Variants in MYL10 observed in about 807,000 individuals in gnomAD.
MYL10 encodes the protein myosin light chain 10.
A neutral mutation model predicts 21.9 loss-of-function variants in MYL10; 18 were observed. The observed-to-expected ratio is 0.82, with a 90% CI of 0.57 to 1.22. The LOEUF (loss-of-function observed/expected upper bound fraction) is 1.22. Ranked by LOEUF, MYL10 falls within the 50% of genes most tolerant of loss-of-function variation. The probability of loss-of-function intolerance (pLI) is 0.00; values close to 1 mark genes in which losing one functional copy is unlikely to be tolerated. For synonymous variants in MYL10, 88 were observed against 82.8 expected (o/e 1.06, Z -0.34); for missense variants, 225 against 230.4 (o/e 0.98, Z 0.15).
intron 6 of MYL10, among the ~76,000 whole-genome samples, chr7:101,614,712 C>T (rs910193107): frequency 6.6e-6 from 1 of 152,140 alleles, no homozygotes; most frequent in Non-Finnish European, 1.5e-5. Context: ...TCAGCATCCC[C>T]TCCCCATCCC....
intron 1 of MYL10, among the ~76,000 whole-genome samples, chr7:101,624,812 T>C (rs971691499): frequency 2.0e-5 from 3 of 152,174 alleles, no homozygotes; most frequent in African/African-American, 7.2e-5. Flanking sequence ...GTTGCTCTGT[T>C]GGAATTCCCT....
At chr7:101,626,868 G>T (rs1404016012) in intron 1 of MYL10, among the ~76,000 whole-genome samples, 2 of 152,224 alleles carry the variant, frequency 1.3e-5, no homozygotes, top group African/African-American at 4.8e-5. Flanking sequence ...GGGATCAAGA[G>T]CAAAGAGCAG....
intron 1 of MYL10, among the ~76,000 whole-genome samples, chr7:101,627,289 A>G (rs1796757177): frequency 7.1e-6 from 1 of 141,312 alleles, no homozygotes; most frequent in African/African-American, 2.7e-5. Flanking sequence ...ACAGAGTGAG[A>G]TTCTGTCTAA....
intron 6 of MYL10, among the ~76,000 whole-genome samples, chr7:101,615,021 C>T (rs1264851260): frequency 1.3e-5 from 2 of 152,134 alleles, no homozygotes; most frequent in Non-Finnish European, 2.9e-5. Context: ...GGCTGCCACT[C>T]CCCCGCCCAC....
At chr7:101,621,985 C>T (rs1257345954) in intron 5 of MYL10, 111 bp downstream of exon 5, 1 of 796,188 alleles carries the variant, frequency 1.3e-6, no homozygotes. Context: ...GTGTCTGGGG[C>T]CACATCATGC....
intron 5 of MYL10, among the ~76,000 whole-genome samples, chr7:101,618,689 C>T (rs1250181042): frequency 1.3e-5 from 2 of 152,310 alleles, no homozygotes; most frequent in Non-Finnish European, 2.9e-5. Flanking sequence ...GAGGCGGCGC[C>T]GGCCCCAGCA....
chr7:101,615,504 C>T (rs375425439), intron 6 of MYL10, among the ~76,000 whole-genome samples: 28 of 150,158 alleles, frequency 1.9e-4, no homozygotes, highest in South Asian at 4.4e-4. Flanking sequence ...CACCTCCACC[C>T]GCACCCTCCA....
At position 101,622,299 on chromosome 7, in the gene MYL10, C is replaced by T. The variant is rs1413233478; in HGVS notation, c.350-99G>A. The T allele has an allele frequency of 1.5e-5, 13 of 881,232 alleles. No individual in the cohort carries two copies. In the East Asian group the frequency reaches 2.2e-4, roughly 15 times the overall value. The allele number at this position is 881,232 out of a possible 1,614,324, so 54.6% of individuals were successfully genotyped here. On this transcript the variant is annotated intron_variant, in intron 4 of 7. Coordinates refer to ENST00000223167, the MANE Select transcript of MYL10 (RefSeq NM_138403.5). ...CCTCCCCACTCAGCTGCTCCACGTG[C>T]CCCCCACTCAGCCCTAAGGCCCTGA...
rs116976924 is a variant in MYL10, at chr7:101,615,122, C to T, written c.533+1098G>A. 2.2e-3 allele frequency among the ~76,000 whole-genome samples: 337 copies of T among 152,244 alleles called. 1 individual carries two copies. Among genetic ancestry groups the T allele is most frequent in the Non-Finnish European group, 3.9e-3 (262 of 68,014 alleles). On this transcript the variant is annotated intron_variant, in intron 6 of 7. Coordinates refer to ENST00000223167, the MANE Select transcript of MYL10 (RefSeq NM_138403.5). ...GATGGCAGCCCCGGTGCCTGCCAGA[C>T]AGCTGCCTGCAGCCACTTCCCCTTC...
At chr7:101,618,650 C>T (rs4727502) in intron 5 of MYL10, among the ~76,000 whole-genome samples, 53,756 of 152,046 alleles carry the variant, frequency 0.35, 10,057 homozygotes, top group East Asian at 0.66. Context: ...AATCTCATGA[C>T]ACAGTCTCCT....
At chr7:101,622,861 C>A in intron 4 of MYL10, 136 bp downstream of exon 4, 1 of 708,776 alleles carries the variant, frequency 1.4e-6, no homozygotes, top group Non-Finnish European at 2.3e-6. Flanking sequence ...ACTTTCCAGA[C>A]AGTGGCTGCC....
intron 5 of MYL10, among the ~76,000 whole-genome samples, chr7:101,617,333 C>G (rs560646384): frequency 2.0e-5 from 3 of 152,328 alleles, no homozygotes; most frequent in African/African-American, 7.2e-5. Context: ...TCTATGCCTG[C>G]AGCTTTAAGA....
chr7:101,625,359 TG>T (rs1294607039), intron 1 of MYL10, among the ~76,000 whole-genome samples: 1 of 152,294 alleles, frequency 6.6e-6, no homozygotes, highest in East Asian at 1.9e-4. Context: ...GGGCTCTCGA[TG>T]GGGGAAAAGA....
chr7:101,615,569 C>G (rs1031627231), intron 6 of MYL10, among the ~76,000 whole-genome samples: 2 of 141,530 alleles, frequency 1.4e-5, no homozygotes, highest in African/African-American at 5.2e-5. Context: ...CCTCCAAGCT[C>G]TCTGTTCCCT....
chr7:101,620,426 A>G (rs1796664584), intron 5 of MYL10, among the ~76,000 whole-genome samples: 1 of 152,212 alleles, frequency 6.6e-6, no homozygotes, highest in Non-Finnish European at 1.5e-5. Context: ...TAGAGCCACC[A>G]GAGGCTGGGA....
intron 1 of MYL10, among the ~76,000 whole-genome samples, chr7:101,628,783 C>T (rs1330507082): frequency 1.3e-5 from 2 of 152,264 alleles, no homozygotes; most frequent in Non-Finnish European, 2.9e-5. Context: ...GAGAGCTTAA[C>T]TGTCCCTGGA....
chr7:101,626,348 C>T lies in MYL10; in HGVS notation c.79-2084G>A, dbSNP rs550618008. On this transcript the variant is annotated intron_variant, in intron 1 of 7. Coordinates refer to ENST00000223167, the MANE Select transcript of MYL10 (RefSeq NM_138403.5). ...TTGGTCCCCAAGAAGATCACAGTCC[C>T]GCTGGTGACAGGCAGTCCATAGAGG... Among the ~76,000 whole-genome samples the T allele has an allele frequency of 1.0e-3, 152 of 152,306 alleles. 1 individual carries two copies. The highest frequency in any genetic ancestry group is 3.2e-3 in the African/African-American group (131 of 41,574).
chr7:101,621,665 T>C (rs1343008967), intron 5 of MYL10, among the ~76,000 whole-genome samples: 1 of 151,966 alleles, frequency 6.6e-6, no homozygotes, highest in Non-Finnish European at 1.5e-5. Flanking sequence ...CTCGGCTCAC[T>C]GCAACCTTCA....
chr7:101,624,516 G>T (rs1160560682), intron 1 of MYL10, among the ~76,000 whole-genome samples: 2 of 152,210 alleles, frequency 1.3e-5, no homozygotes, highest in African/African-American at 4.8e-5. Context: ...TGTCCCCCGG[G>T]CTCCGGAAGG....
Sources: allele counts gnomAD v4.1 joint callset (sites outside exome capture counted in the v4.1 genomes callset), GRCh38; gene constraint gnomAD v4.1.1; transcripts MANE v1.5; gene names NCBI Gene and HGNC (gene_info 2026-07-23, HGNC 2026-07-21).